The following TG variants were observed in gnomAD, a reference collection of about 807,000 sequenced individuals.
TG encodes thyroid hormones.
TG carries 270 observed loss-of-function variants against 324.7 expected under a neutral mutation model. The observed-to-expected ratio is 0.83, with a 90% CI of 0.75 to 0.92. The LOEUF is 0.92. Ranked by LOEUF, TG falls within the 40% of genes least tolerant of loss-of-function variation. The pLI is 0.00. For synonymous variants in TG, 1,401 were observed against 1,327.0 expected, an observed-to-expected ratio of 1.06 and a Z score of -1.21; for missense variants, 3,591 against 3,456.4, an observed-to-expected ratio of 1.04 and a Z score of -0.98.
chr8:132,994,758 T>C (rs1240639021), intron 35 of TG: 2 of 1,288,204 alleles, frequency 1.6e-6, no homozygotes, highest in Admixed American at 2.3e-5. Context: ...CTGAAGAGGA[T>C]GGAGTGAGGG....
At chr8:133,060,253 G>A in intron 41 of TG, 3 of 1,610,980 alleles carry the variant, frequency 1.9e-6, no homozygotes, top group South Asian at 1.1e-5. Context: ...AGCCCTCCAA[G>A]TGGAGAATGA....
intron 20 of TG, 90 bp downstream of exon 20, chr8:132,913,355 A>G (rs1353918770): frequency 7.5e-7 from 1 of 1,335,380 alleles, no homozygotes; most frequent in Admixed American, 1.8e-5. Context: ...GCTACTCTGG[A>G]CATCCAGGGC....
intron 41 of TG, chr8:133,038,347 T>C (rs1837463290): frequency 1.6e-6 from 1 of 611,488 alleles, no homozygotes; most frequent in Non-Finnish European, 2.9e-6. Flanking sequence ...CAGGGAGGGG[T>C]TCCTTTGGTC....
intron 26 of TG, among the ~76,000 whole-genome samples, chr8:132,944,026 G>T (rs1824859120): frequency 6.6e-6 from 1 of 152,144 alleles, no homozygotes; most frequent in African/African-American, 2.4e-5. Flanking sequence ...CGCATCTGCT[G>T]TCCAGATATA....
chr8:133,051,522 C>T (rs1208037049), intron 41 of TG, among the ~76,000 whole-genome samples: 2 of 152,100 alleles, frequency 1.3e-5, no homozygotes, highest in African/African-American at 2.4e-5. Flanking sequence ...ATATAAGGCC[C>T]CACGCTGGGC....
intron 41 of TG, among the ~76,000 whole-genome samples, chr8:133,031,080 C>T (rs568657127): frequency 2.8e-4 from 43 of 152,306 alleles, no homozygotes; most frequent in Admixed American, 5.2e-4. Flanking sequence ...TACTACTATC[C>T]GTCGCCAGAA....
At chr8:132,986,671 G>T (rs972251050) in intron 35 of TG, among the ~76,000 whole-genome samples, 4 of 152,024 alleles carry the variant, frequency 2.6e-5, no homozygotes, top group African/African-American at 9.7e-5. Flanking sequence ...TATAAAAATA[G>T]CAAAGTGAAC....
intron 43 of TG, among the ~76,000 whole-genome samples, chr8:133,106,059 G>A (rs1482096648): frequency 2.6e-5 from 4 of 152,154 alleles, no homozygotes; most frequent in Admixed American, 2.6e-4. Context: ...GGACTGCCAG[G>A]CAGGCACTTT....
intron 41 of TG, chr8:133,040,297 C>T (rs945954903): frequency 2.3e-5 from 16 of 697,352 alleles, no homozygotes; most frequent in African/African-American, 5.4e-5. Context: ...GAAAGTCACG[C>T]GCCCAGCTGT....
At chr8:132,917,272 G>A (rs1563952386) in intron 20 of TG, among the ~76,000 whole-genome samples, 1 of 152,058 alleles carries the variant, frequency 6.6e-6, no homozygotes, top group African/African-American at 2.4e-5. Context: ...ATCACAGCCA[G>A]GGTGGTCAGG....
intron 25 of TG, among the ~76,000 whole-genome samples, chr8:132,939,489 A>C (rs1824103735): frequency 6.6e-6 from 1 of 152,182 alleles, no homozygotes; most frequent in South Asian, 2.1e-4. Flanking sequence ...GGACCCTTCA[A>C]ATAAAGCTGG....
At chr8:133,112,969 ATGAG>A (rs1850385534) in intron 43 of TG, among the ~76,000 whole-genome samples, 1 of 152,188 alleles carries the variant, frequency 6.6e-6, no homozygotes, top group African/African-American at 2.4e-5. Context: ...CATTCATATG[ATGAG>A]TGACTGAGTC....
At chr8:133,090,223 C>T (rs986528964) in intron 41 of TG, 5 of 152,188 alleles carry the variant, frequency 3.3e-5, no homozygotes, top group Non-Finnish European at 7.3e-5. Flanking sequence ...GAGATAGTCA[C>T]GTTTCTAGAG....
chr8:133,082,174 G>A (rs1365599721), intron 41 of TG, among the ~76,000 whole-genome samples: 38 of 152,166 alleles, frequency 2.5e-4, no homozygotes. Context: ...GCCGCATGAA[G>A]GGAATTTTTT....
At chr8:132,992,654 G>A (rs535237439) in intron 35 of TG, among the ~76,000 whole-genome samples, 1 of 152,266 alleles carries the variant, frequency 6.6e-6, no homozygotes, top group African/African-American at 2.4e-5. Flanking sequence ...GGATGGAAGG[G>A]CTCTACCCCA....
At chr8:133,047,874 G>C (rs1367456814) in intron 41 of TG, 1 of 1,612,602 alleles carries the variant, frequency 6.2e-7, no homozygotes, top group Admixed American at 1.7e-5. Flanking sequence ...GCCGACCTTT[G>C]TGTCTGGCAG....
chr8:133,019,037 C>T (rs1168465370), intron 38 of TG, among the ~76,000 whole-genome samples: 3 of 152,238 alleles, frequency 2.0e-5, no homozygotes. Context: ...ATGACGGAGT[C>T]ACATAGGTTT....
intron 4 of TG, among the ~76,000 whole-genome samples, chr8:132,872,171 T>TA (rs1157348160): frequency 2.0e-5 from 3 of 152,052 alleles, no homozygotes; most frequent in Admixed American, 1.3e-4. Context: ...TTTAAAAAAT[T>TA]AAAAAATGTA....
chr8:133,026,008 C>A (rs1836036525), intron 40 of TG, among the ~76,000 whole-genome samples: 1 of 152,152 alleles, frequency 6.6e-6, no homozygotes, highest in Admixed American at 6.5e-5. Context: ...TGAGGACAAG[C>A]ACCAGGACTC....
Sources: gnomAD v4.1 joint callset for allele counts (sites outside exome capture counted in the v4.1 genomes callset) on GRCh38, gnomAD v4.1.1 for gene constraint, MANE v1.5 for transcripts, NCBI Gene and HGNC (gene_info 2026-07-23, HGNC 2026-07-21) for gene names.